HERC4: variants seen among roughly 807,000 people sequenced by gnomAD.
HERC4 encodes HECT and RLD domain containing E3 ubiquitin protein ligase 4, also known as probable E3 ubiquitin-protein ligase HERC4.
Under a neutral mutation model 124.3 loss-of-function variants are expected in HERC4, and 28 were observed. The observed-to-expected ratio is 0.23, with a 90% CI of 0.17 to 0.31. HERC4 has a LOEUF of 0.31. Ranked by LOEUF, HERC4 falls within the 10% of genes least tolerant of loss-of-function variation. HERC4 has a pLI of 1.00. For synonymous variants in HERC4, 407 were observed against 421.5 expected, an observed-to-expected ratio of 0.97 and a Z score of 0.42; for missense variants, 713 against 1,229.3, an observed-to-expected ratio of 0.58 and a Z score of 6.28.
intron 3 of HERC4, among the ~76,000 whole-genome samples, chr10:68,053,544 T>C (rs1325340732): frequency 6.6e-6 from 1 of 151,982 alleles, no homozygotes. Flanking sequence ...ACTCACGTAA[T>C]CCTCCCAAAG....
intron 16 of HERC4, chr10:67,959,199 A>G: frequency 7.0e-7 from 1 of 1,433,974 alleles, no homozygotes; most frequent in Non-Finnish European, 9.5e-7. Flanking sequence ...TCCAAATTTA[A>G]CTATTTCTAT....
intron 9 of HERC4, chr10:67,993,190 C>CA (rs1394496831): frequency 6.6e-6 from 1 of 151,880 alleles, no homozygotes; most frequent in Non-Finnish European, 1.5e-5. Flanking sequence ...ACTAAAAATA[C>CA]AAAAATTAGC....
chr10:68,055,230 A>G (rs575848412), intron 3 of HERC4, among the ~76,000 whole-genome samples: 1 of 152,376 alleles, frequency 6.6e-6, no homozygotes, highest in Admixed American at 6.5e-5. Flanking sequence ...GAAACAAACA[A>G]AACTAAAACA....
intron 4 of HERC4, among the ~76,000 whole-genome samples, chr10:68,040,915 A>C (rs1186651557): frequency 6.6e-6 from 1 of 151,732 alleles, no homozygotes; most frequent in Non-Finnish European, 1.5e-5. Flanking sequence ...AAGAAAAAGA[A>C]AAAAAGAAAA....
At chr10:67,930,060 C>A (rs2031617669) in intron 23 of HERC4, among the ~76,000 whole-genome samples, 1 of 152,144 alleles carries the variant, frequency 6.6e-6, no homozygotes, top group Non-Finnish European at 1.5e-5. Context: ...CCCGCCTCGG[C>A]CTCCCAAAGT....
intron 15 of HERC4, among the ~76,000 whole-genome samples, chr10:67,972,570 T>C: frequency 7.1e-6 from 1 of 140,122 alleles, no homozygotes; most frequent in African/African-American, 2.6e-5. Flanking sequence ...TTCTCTGTAC[T>C]AGCAACAAAT....
chr10:67,972,991 T>C (rs971762821), intron 15 of HERC4, among the ~76,000 whole-genome samples: 2 of 152,142 alleles, frequency 1.3e-5, no homozygotes, highest in Non-Finnish European at 1.5e-5. Context: ...AAAGATTAAG[T>C]ATTAAAGGAT....
intron 17 of HERC4, 193 bp downstream of exon 17, chr10:67,956,685 C>A: frequency 2.6e-6 from 1 of 379,448 alleles, no homozygotes; most frequent in Non-Finnish European, 4.7e-6. Context: ...TTAAGTTATT[C>A]CATTTTCACT....
At chr10:67,983,786 C>CACAAA (rs1198366025) in intron 15 of HERC4, among the ~76,000 whole-genome samples, 11 of 100,148 alleles carry the variant, frequency 1.1e-4, no homozygotes, top group South Asian at 3.6e-4. Flanking sequence ...GACTCTGTCT[C>CACAAA]AAAAAAAAAA....
chr10:67,973,598 C>A (rs770971001), intron 15 of HERC4, among the ~76,000 whole-genome samples: 1 of 151,994 alleles, frequency 6.6e-6, no homozygotes, highest in Non-Finnish European at 1.5e-5. Flanking sequence ...GAGGTATAGT[C>A]AAGAATAAGT....
At chr10:67,935,066 A>C (rs1258675239) in intron 22 of HERC4, among the ~76,000 whole-genome samples, 2 of 150,500 alleles carry the variant, frequency 1.3e-5, no homozygotes, top group African/African-American at 4.9e-5. Flanking sequence ...TTCAACCTGC[A>C]TGGTTCCTGG....
At chr10:67,998,987 T>C (rs1368988911) in intron 9 of HERC4, among the ~76,000 whole-genome samples, 1 of 152,090 alleles carries the variant, frequency 6.6e-6, no homozygotes, top group African/African-American at 2.4e-5. Flanking sequence ...CATCTCGGCC[T>C]CCCAAAATGC....
At chr10:67,933,622 ACAAGGATATCT>A (rs1390978433) in intron 22 of HERC4, among the ~76,000 whole-genome samples, 2 of 152,294 alleles carry the variant, frequency 1.3e-5, no homozygotes, top group Non-Finnish European at 2.9e-5. Context: ...TTTTTTTAAA[ACAAGGATATCT>A]AGAAGGACCT....
intron 9 of HERC4, among the ~76,000 whole-genome samples, chr10:68,005,004 T>A (rs139090520): frequency 1.2e-3 from 179 of 152,350 alleles, no homozygotes; most frequent in South Asian, 7.5e-3. Flanking sequence ...GTTTTCCCAG[T>A]ACCATTTATT....
At chr10:68,047,037 T>C (rs2040047558) in intron 3 of HERC4, among the ~76,000 whole-genome samples, 1 of 151,948 alleles carries the variant, frequency 6.6e-6, no homozygotes. Flanking sequence ...AGTCCTGAGC[T>C]GAGGTAAGAG....
intron 9 of HERC4, among the ~76,000 whole-genome samples, chr10:67,995,513 G>C (rs911472315): frequency 1.3e-5 from 2 of 149,530 alleles, no homozygotes; most frequent in Non-Finnish European, 3.0e-5. Flanking sequence ...CTTCTTTTAG[G>C]AACTTCCATT....
At chr10:68,030,573 A>C (rs899572460) in intron 7 of HERC4, among the ~76,000 whole-genome samples, 1 of 152,230 alleles carries the variant, frequency 6.6e-6, no homozygotes, top group Admixed American at 6.5e-5. Flanking sequence ...ATCATTCCAC[A>C]GCATAAATAC....
intron 5 of HERC4, among the ~76,000 whole-genome samples, chr10:68,037,280 GGC>G (rs923306391): frequency 2.6e-4 from 40 of 151,890 alleles, no homozygotes; most frequent in African/African-American, 9.2e-4. Flanking sequence ...ATTTTTAGTA[GGC>G]ACAGGGTTTT....
At position 67,954,696 on chromosome 10, in the gene HERC4, G is replaced by A. The variant is rs751824179; in HGVS notation, c.2236C>T (p.Arg746Cys). Residue 746 changes from arginine to cysteine, a missense_variant, in exon 19 of 25, where the codon CGC (arginine) becomes TGC (cysteine). Physicochemically the swap from Arg to Cys is radical, Grantham distance 180. Transcript: ENST00000373700. The stretch of plus-strand genomic sequence containing the variant: ...ATGATGAGCAAGAAAAATTCTTTGC[G>A]CACCCCTCCTGCATCCACAGCATCT... ...GEDAVDAGGV[R>C]KEFFLLIMRE... 4.3e-6 allele frequency: 7 copies of A among 1,613,268 alleles called. No homozygotes were observed. Among genetic ancestry groups the A allele is most frequent in the East Asian group, 2.2e-5 (1 of 44,834 alleles).
Sources: allele counts gnomAD v4.1 joint callset (sites outside exome capture counted in the v4.1 genomes callset), GRCh38; gene constraint gnomAD v4.1.1; transcripts MANE v1.5; gene names NCBI Gene and HGNC (gene_info 2026-07-23, HGNC 2026-07-21).